APOL2: variants seen among roughly 807,000 people sequenced by gnomAD.
APOL2 encodes the protein apolipoprotein L, 2.
APOL2 carries 8 observed loss-of-function variants against 7.1 expected under a neutral mutation model. The ratio of observed to expected loss-of-function variants is 1.12; its 90% CI spans 0.66 to 2.03. The LOEUF is 2.03. APOL2 is among the 30% of genes most tolerant of loss of function. The pLI, the probability that APOL2 is intolerant of heterozygous loss-of-function variation, is 0.00. For missense variants in APOL2, 471 were observed against 415.1 expected (o/e 1.13, Z -1.17); for synonymous variants, 177 against 159.9 (o/e 1.11, Z -0.81).
intron 1 of APOL2, chr22:36,237,481 T>A: frequency 1.3e-6 from 1 of 783,010 alleles, no homozygotes; most frequent in Non-Finnish European, 1.6e-6. Flanking sequence ...CTATCACAGC[T>A]TGCTGTAGCC....
Position 36,228,216 on chromosome 22 carries a change from T to C in APOL2, c.202A>G (p.Lys68Glu), listed in dbSNP as rs1218129956. ...KLASHMVMKD[K>E]NRHDKDQQHR... ...TGCTGGTCTTTATCGTGGCGGTTTT[T>C]GTCCTTCATGACCATGTGACTTGCA... The change falls in exon 5 of 5, where the codon AAA becomes GAA. Residue 68 changes from lysine (K) to glutamate (E), a missense_variant. Lys to Glu is a moderately conservative substitution (Grantham distance 56, BLOSUM62 1). Transcript: ENST00000358502. 22 of 1,614,232 alleles carry C rather than the reference T, an allele frequency of 1.4e-5. No homozygotes were observed. In the East Asian group the frequency reaches 3.1e-4, roughly 23 times the overall value.
At chr22:36,231,222 C>G in intron 4 of APOL2, 118 bp downstream of exon 4, 3 of 1,385,546 alleles carry the variant, frequency 2.2e-6, no homozygotes, top group Non-Finnish European at 2.0e-6. Flanking sequence ...GAAGGTCATC[C>G]TCAAGCCCAG....
chr22:36,231,777 A>C (rs2015234469), intron 3 of APOL2, among the ~76,000 whole-genome samples: 1 of 152,236 alleles, frequency 6.6e-6, no homozygotes, highest in African/African-American at 2.4e-5. Context: ...AGAAACAATA[A>C]GGCCAGGTAA....
intron 1 of APOL2, 138 bp from the exon 2 acceptor site, chr22:36,233,593 A>G: frequency 2.7e-6 from 2 of 743,462 alleles, no homozygotes; most frequent in Non-Finnish European, 4.5e-6. Flanking sequence ...ATGTATGATA[A>G]CTAGTTGATG....
chr22:36,229,673 T>A (rs1308231583), intron 4 of APOL2, among the ~76,000 whole-genome samples: 3 of 152,174 alleles, frequency 2.0e-5, no homozygotes, highest in Admixed American at 2.0e-4. Flanking sequence ...CTAAGGATGA[T>A]TTTAGGAATC....
Position 36,227,161 on chromosome 22 carries a change from A to G in APOL2, c.*243T>C, listed in dbSNP as rs1165834689. ...AAACCCCGTCTCCAGTGAAAATACAAAAAAATTAGCCGGGCGTGGTGGCAG... is the reference window on the plus strand; with the variant it reads ...AAACCCCGTCTCCAGTGAAAATACAGAAAAATTAGCCGGGCGTGGTGGCAG... On this transcript the variant is annotated 3_prime_UTR_variant, in exon 5 of 5. Coordinates refer to ENST00000358502, the MANE Select transcript of APOL2 (RefSeq NM_030882.4). The G allele has an allele frequency of 2.5e-6, 1 of 396,114 alleles. No individual in the cohort carries two copies. The highest frequency in any genetic ancestry group is 4.7e-5 in the South Asian group (1 of 21,132). 24.5% of individuals were successfully genotyped at this position (396,114 alleles called of 1,614,324 possible).
chr22:36,231,274 C>T (rs1187047410), intron 4 of APOL2, 66 bp downstream of exon 4: 2 of 1,571,790 alleles, frequency 1.3e-6, no homozygotes, highest in African/African-American at 2.7e-5. Flanking sequence ...TCAGGGACAA[C>T]CAGCCCAGGG....
chr22:36,231,191 A>C (rs1360550923), intron 4 of APOL2, 149 bp downstream of exon 4: 1 of 975,594 alleles, frequency 1.0e-6, no homozygotes, highest in Admixed American at 3.0e-5. Context: ...CATGGAGGAA[A>C]TATTCCTCCT....
intron 1 of APOL2, chr22:36,237,464 T>A: frequency 3.2e-6 from 3 of 940,380 alleles, no homozygotes; most frequent in Non-Finnish European, 3.9e-6. Context: ...TCTGGAGTGC[T>A]TTGGGGCTAT....
intron 1 of APOL2, among the ~76,000 whole-genome samples, chr22:36,235,636 G>T (rs1404275852): frequency 1.3e-5 from 2 of 151,942 alleles, no homozygotes; most frequent in African/African-American, 4.8e-5. Context: ...AAACCAAAAA[G>T]ATGACAGAGG....
chr22:36,232,679 G>C (rs1309890977), intron 3 of APOL2, among the ~76,000 whole-genome samples: 1 of 152,096 alleles, frequency 6.6e-6, no homozygotes, highest in East Asian at 1.9e-4. Flanking sequence ...ATTCCCATAG[G>C]GCCACTCAGA....
intron 1 of APOL2, chr22:36,237,453 G>C: frequency 9.7e-7 from 1 of 1,028,366 alleles, no homozygotes; most frequent in Non-Finnish European, 1.2e-6. Context: ...CTGTCACCCA[G>C]TCTGGAGTGC....
chr22:36,238,112 ACT>A (rs1475542326), intron 1 of APOL2, among the ~76,000 whole-genome samples: 1 of 151,784 alleles, frequency 6.6e-6, no homozygotes, highest in Non-Finnish European at 1.5e-5. Flanking sequence ...TCCCCTTTAG[ACT>A]CTGAACATTC....
At chr22:36,233,355 G>A (rs756146178) in intron 2 of APOL2, 47 bp downstream of exon 2, 267 of 1,566,526 alleles carry the variant, frequency 1.7e-4, no homozygotes, top group Non-Finnish European at 2.2e-4. Flanking sequence ...AATGTCCAGA[G>A]TGTTTATCTC....
At position 36,227,254 on chromosome 22, in the gene APOL2, T is replaced by G; in HGVS notation, c.*150A>C. ...TGGTGTGAACCCGGGAGGCGGAGTT[T>G]GCAGTGAGCCGAGATTGAGCCACTG... On this transcript the variant is annotated 3_prime_UTR_variant, in exon 5 of 5. Coordinates refer to ENST00000358502, the MANE Select transcript of APOL2 (RefSeq NM_030882.4). The G allele has an allele frequency of 1.0e-6, 1 of 954,538 alleles. No individual in the cohort carries two copies. Among genetic ancestry groups the G allele is most frequent in the South Asian group, 2.0e-5 (1 of 49,828 alleles). The allele number at this position is 954,538 out of a possible 1,614,324, so 59.1% of individuals were successfully genotyped here.
intron 1 of APOL2, 58 bp downstream of exon 1, chr22:36,239,383 T>C: frequency 6.8e-7 from 1 of 1,478,830 alleles, no homozygotes; most frequent in Admixed American, 2.0e-5. Context: ...GATCCTTCCC[T>C]TATAGAGCTA....
chr22:36,231,382 T>C lies in APOL2; in HGVS notation c.95A>G (p.Asp32Gly). The change falls in exon 4 of 5, where the codon GAT becomes GGT. Residue 32 changes from aspartate (D) to glycine (G), a missense_variant. Asp to Gly is a moderately conservative substitution (Grantham distance 94). Coordinates refer to ENST00000358502, the MANE Select transcript of APOL2 (RefSeq NM_030882.4). Reference protein sequence around the residue: ...RENLLQLLTDDEAWNGFVAAA... With the variant: ...RENLLQLLTDGEAWNGFVAAA... ...AGCCACGAATCCATTCCAGGCTTCA[T>C]CATCAGTCAGCAGTTGTAGCAGATT... 1 of 1,614,160 alleles carries C rather than the reference T, an allele frequency of 6.2e-7. No individual in the cohort carries two copies. The highest frequency in any genetic ancestry group is 8.5e-7 in the Non-Finnish European group (1 of 1,179,980).
At chr22:36,233,551 G>A in intron 1 of APOL2, 96 bp from the exon 2 acceptor site, 1 of 1,134,662 alleles carries the variant, frequency 8.8e-7, no homozygotes, top group Non-Finnish European at 1.3e-6. Flanking sequence ...AGATGGGAGG[G>A]AACATTCTGA....
chr22:36,235,148 G>A (rs17805838), intron 1 of APOL2, among the ~76,000 whole-genome samples: 27,187 of 152,196 alleles, frequency 0.18, 2,801 homozygotes, highest in Middle Eastern at 0.24. Flanking sequence ...AGTTCACCAG[G>A]CCCACGTGCC....
Sources: allele counts gnomAD v4.1 joint callset (sites outside exome capture counted in the v4.1 genomes callset), GRCh38; gene constraint gnomAD v4.1.1; transcripts MANE v1.5; gene names NCBI Gene and HGNC (gene_info 2026-07-23, HGNC 2026-07-21).